The following CSMD1 variants were observed in gnomAD, a reference collection of about 807,000 sequenced individuals.
The protein encoded by CSMD1 is CUB and Sushi multiple domains 1.
Under a neutral mutation model 417.5 loss-of-function variants are expected in CSMD1, and 213 were observed. The ratio of observed to expected loss-of-function variants is 0.51; its 90% CI spans 0.46 to 0.57. CSMD1 has a LOEUF of 0.57. CSMD1 is among the 20% of genes least tolerant of loss of function. The pLI, the probability that CSMD1 is intolerant of heterozygous loss-of-function variation, is 0.00. For synonymous variants in CSMD1, 2,862 were observed against 1,736.8 expected (o/e 1.65, Z -16.11); for missense variants, 6,923 against 4,529.7 (o/e 1.53, Z -15.17).
chr8:4,336,710 A>G (rs982608076), intron 3 of CSMD1, among the ~76,000 whole-genome samples: 11 of 152,134 alleles, frequency 7.2e-5, no homozygotes, highest in Non-Finnish European at 1.5e-4. Context: ...GAGGCTGTGT[A>G]TTCTTTCTAG....
intron 3 of CSMD1, among the ~76,000 whole-genome samples, chr8:4,115,175 C>G (rs1802067756): frequency 6.6e-6 from 1 of 152,138 alleles, no homozygotes; most frequent in Admixed American, 6.5e-5. Context: ...ATTTTCACAG[C>G]TACCCCAGCC....
intron 5 of CSMD1, among the ~76,000 whole-genome samples, chr8:3,972,252 T>A (rs534383615): frequency 6.6e-6 from 1 of 152,198 alleles, no homozygotes; most frequent in Non-Finnish European, 1.5e-5. Flanking sequence ...TTAAATAGTA[T>A]TGACCTTGTG....
At chr8:4,599,624 T>G (rs952071799) in intron 2 of CSMD1, among the ~76,000 whole-genome samples, 6 of 152,174 alleles carry the variant, frequency 3.9e-5, no homozygotes, top group Non-Finnish European at 8.8e-5. Context: ...TCTGTCCATC[T>G]CATTTAATTA....
intron 3 of CSMD1, among the ~76,000 whole-genome samples, chr8:4,317,942 C>T (rs1433042226): frequency 6.6e-6 from 1 of 152,078 alleles, no homozygotes; most frequent in East Asian, 1.9e-4. Context: ...TAATATGTTG[C>T]CGTTCCGAAT....
chr8:4,873,183 G>A (rs932724354), intron 1 of CSMD1, among the ~76,000 whole-genome samples: 8 of 152,066 alleles, frequency 5.3e-5, no homozygotes, highest in African/African-American at 1.9e-4. Context: ...GATAGGAGGT[G>A]GCAACAATGA....
At chr8:4,380,748 C>G (rs150810355) in intron 3 of CSMD1, among the ~76,000 whole-genome samples, 1 of 152,098 alleles carries the variant, frequency 6.6e-6, no homozygotes, top group Non-Finnish European at 1.5e-5. Flanking sequence ...ACTGTCCTCA[C>G]GACTTCTCTG....
chr8:4,362,998 C>G (rs912186459), intron 3 of CSMD1, among the ~76,000 whole-genome samples: 1 of 152,124 alleles, frequency 6.6e-6, no homozygotes, highest in African/African-American at 2.4e-5. Flanking sequence ...CAGTAGCAGT[C>G]TTTGAATAGA....
intron 50 of CSMD1, among the ~76,000 whole-genome samples, chr8:3,045,087 C>T (rs1373578187): frequency 6.6e-6 from 1 of 152,202 alleles, no homozygotes; most frequent in Non-Finnish European, 1.5e-5. Context: ...AAAACAGCCA[C>T]ATCTCTTTTT....
chr8:4,315,472 C>G (rs1189056647), intron 3 of CSMD1, among the ~76,000 whole-genome samples: 1 of 152,038 alleles, frequency 6.6e-6, no homozygotes, highest in East Asian at 1.9e-4. Flanking sequence ...ATTCCAAGGC[C>G]TGACTCAAGA....
At chr8:4,110,852 C>T (rs144868558) in intron 3 of CSMD1, among the ~76,000 whole-genome samples, 1 of 151,966 alleles carries the variant, frequency 6.6e-6, no homozygotes, top group Non-Finnish European at 1.5e-5. Context: ...AAATCAGAGA[C>T]TTTTTTCCTT....
intron 1 of CSMD1, among the ~76,000 whole-genome samples, chr8:4,807,968 G>C (rs897427382): frequency 2.0e-5 from 3 of 152,104 alleles, no homozygotes; most frequent in Non-Finnish European, 4.4e-5. Context: ...GAGTTCACTT[G>C]GAAAAACTTC....
intron 3 of CSMD1, among the ~76,000 whole-genome samples, chr8:4,356,112 G>A (rs1342313257): frequency 1.3e-5 from 2 of 152,100 alleles, no homozygotes; most frequent in South Asian, 2.1e-4. Context: ...ACACCTCCTA[G>A]TCTTCCCCTC....
intron 10 of CSMD1, chr8:3,515,211 T>C (rs1250964054): frequency 6.6e-6 from 1 of 152,230 alleles, no homozygotes; most frequent in African/African-American, 2.4e-5. Context: ...GGAAATTAAA[T>C]GTCAAGTACA....
intron 1 of CSMD1, chr8:4,788,300 C>T (rs917606612): frequency 6.3e-7 from 1 of 1,582,684 alleles, no homozygotes; most frequent in Admixed American, 1.8e-5. Flanking sequence ...CAGTGGCAGG[C>T]AGAAGTAATG....
Position 3,343,413 on chromosome 8 carries a change from C to A in CSMD1, c.3512G>T (p.Gly1171Val). The A allele has an allele frequency of 6.2e-7, 1 of 1,613,722 alleles. No homozygotes were observed. Among genetic ancestry groups the A allele is most frequent in the Non-Finnish European group, 8.5e-7 (1 of 1,179,746 alleles). ...DGKDSSSRPL[G>V]TFTKNELLGL... is the part of the protein sequence containing the mutation. ...CAGAAGTTCATTTTTAGTGAACGTG[C>A]CCAGTGGACGTGAGGAACTGTCTTT... The change falls in exon 23 of 70, where the codon GGC (glycine) becomes GTC (valine). Residue 1171 changes from glycine (G) to valine (V), a missense_variant. By Grantham distance (109) the Gly-to-Val change is moderately radical (BLOSUM62 -3). Transcript: ENST00000635120.
At position 4,621,356 on chromosome 8, in the gene CSMD1, G is replaced by A. The variant is rs1001541203; in HGVS notation, c.302+15986C>T. ...TCCACTTATGATGTCATGTTGGCACGAAACAATTTTGGATTTTGGAACATT... is the reference window on the plus strand; with the variant it reads ...TCCACTTATGATGTCATGTTGGCACAAAACAATTTTGGATTTTGGAACATT... On this transcript the variant is annotated intron_variant, in intron 2 of 69. Coordinates refer to ENST00000635120, the MANE Select transcript of CSMD1 (RefSeq NM_033225.6). Among the ~76,000 whole-genome samples, 9 of 151,986 alleles carry A rather than the reference G, an allele frequency of 5.9e-5. 1 individual carries two copies. Among genetic ancestry groups the A allele is most frequent in the Non-Finnish European group, 8.8e-5 (6 of 67,942 alleles).
At chr8:4,585,323 A>G (rs184096367) in intron 2 of CSMD1, among the ~76,000 whole-genome samples, 3 of 152,342 alleles carry the variant, frequency 2.0e-5, no homozygotes, top group East Asian at 3.9e-4. Flanking sequence ...TTAATAGCAG[A>G]TTAGGCAAAG....
At chr8:2,942,702 G>T in intron 68 of CSMD1, 98 bp from the exon 69 acceptor site, 1 of 921,996 alleles carries the variant, frequency 1.1e-6, no homozygotes, top group Non-Finnish European at 1.5e-6. Flanking sequence ...TCTTCAAGAA[G>T]CAGACGGAGT....
intron 49 of CSMD1, among the ~76,000 whole-genome samples, chr8:3,066,760 C>T (rs1023558497): frequency 5.9e-5 from 9 of 152,074 alleles, no homozygotes; most frequent in Non-Finnish European, 7.4e-5. Context: ...GGAAACTCCA[C>T]GGAGAACAGA....
Sources: allele counts gnomAD v4.1 joint callset (sites outside exome capture counted in the v4.1 genomes callset), GRCh38; gene constraint gnomAD v4.1.1; transcripts MANE v1.5; gene names NCBI Gene and HGNC (gene_info 2026-07-23, HGNC 2026-07-21).